Variants in MECOM observed in about 807,000 individuals in gnomAD.
MECOM encodes the protein MDS1 and EVI1 complex locus, also known as histone-lysine N-methyltransferase MECOM.
Under a neutral mutation model 116.3 loss-of-function variants are expected in MECOM, and 13 were observed. The ratio of observed to expected loss-of-function variants is 0.11; its 90% CI spans 0.07 to 0.18. MECOM has a LOEUF of 0.18. Among genes scored for constraint, MECOM ranks in the 10% least tolerant of loss-of-function variants. The pLI is 1.00. For missense variants in MECOM, 1,299 were observed against 1,509.0 expected (o/e 0.86, Z 2.31); for synonymous variants, 528 against 535.2 (o/e 0.99, Z 0.19).
intron 1 of MECOM, among the ~76,000 whole-genome samples, chr3:169,464,508 G>A (rs1747973157): frequency 6.6e-6 from 1 of 151,862 alleles, no homozygotes; most frequent in South Asian, 2.1e-4. Flanking sequence ...CTCATTCATT[G>A]CTTATTACTT....
chr3:169,651,911 G>A (rs888307268), intron 1 of MECOM, among the ~76,000 whole-genome samples: 3 of 151,940 alleles, frequency 2.0e-5, no homozygotes, highest in Admixed American at 2.0e-4. Flanking sequence ...TCATCTGCAG[G>A]CAATTTATGA....
intron 2 of MECOM, among the ~76,000 whole-genome samples, chr3:169,331,323 G>A (rs1360746938): frequency 6.6e-6 from 1 of 152,018 alleles, no homozygotes; most frequent in Non-Finnish European, 1.5e-5. Flanking sequence ...TTGACTCTCT[G>A]AACCTAGTTT....
chr3:169,429,539 T>A (rs1741260413), intron 1 of MECOM, among the ~76,000 whole-genome samples: 1 of 152,196 alleles, frequency 6.6e-6, no homozygotes, highest in Non-Finnish European at 1.5e-5. Context: ...GAATGTTGCA[T>A]GGATGAGTAA....
intron 2 of MECOM, among the ~76,000 whole-genome samples, chr3:169,335,358 T>C (rs1183409213): frequency 6.6e-6 from 1 of 152,166 alleles, no homozygotes; most frequent in Non-Finnish European, 1.5e-5. Context: ...TTCTGTATTC[T>C]CTGTGCTATT....
intron 1 of MECOM, among the ~76,000 whole-genome samples, chr3:169,404,594 C>T (rs1736382839): frequency 6.6e-6 from 1 of 152,190 alleles, no homozygotes; most frequent in African/African-American, 2.4e-5. Flanking sequence ...GGGAAGCCCC[C>T]CAAGCTCAGG....
intron 1 of MECOM, chr3:169,466,932 A>C (rs548395355): frequency 3.3e-4 from 50 of 152,326 alleles, no homozygotes; most frequent in African/African-American, 1.1e-3. Flanking sequence ...AGTTGCCAAC[A>C]TTCTTTTTCA....
intron 1 of MECOM, among the ~76,000 whole-genome samples, chr3:169,432,918 A>T (rs986164015): frequency 2.0e-5 from 3 of 152,214 alleles, no homozygotes; most frequent in African/African-American, 7.2e-5. Context: ...ACCCGTGTAA[A>T]TTCTAACTGT....
chr3:169,266,205 AGGCAGCATCATAAATCTCATG>A (rs1338164212), intron 2 of MECOM, among the ~76,000 whole-genome samples: 2 of 152,242 alleles, frequency 1.3e-5, no homozygotes, highest in African/African-American at 4.8e-5. Flanking sequence ...ATTGACAGCC[AGGCAGCATCATAAATCTCATG>A]ACCAATGAGA....
At chr3:169,496,483 C>G (rs1293938621) in intron 1 of MECOM, among the ~76,000 whole-genome samples, 2 of 152,140 alleles carry the variant, frequency 1.3e-5, no homozygotes, top group African/African-American at 4.8e-5. Context: ...AATCGTCAAA[C>G]TAATGTGTTT....
intron 1 of MECOM, among the ~76,000 whole-genome samples, chr3:169,587,426 A>AAC (rs3980637): frequency 0.032 from 4,452 of 140,996 alleles, 128 homozygotes; most frequent in African/African-American, 0.075. Context: ...CCCACACGCC[A>AAC]ACACACACAC....
intron 1 of MECOM, among the ~76,000 whole-genome samples, chr3:169,398,985 T>C (rs1735447187): frequency 6.6e-6 from 1 of 152,192 alleles, no homozygotes; most frequent in African/African-American, 2.4e-5. Flanking sequence ...TCCATGTTCA[T>C]CATCTCCTCA....
intron 2 of MECOM, among the ~76,000 whole-genome samples, chr3:169,156,784 A>T (rs903030634): frequency 6.6e-6 from 1 of 152,222 alleles, no homozygotes; most frequent in Non-Finnish European, 1.5e-5. Flanking sequence ...ACTTTTCTTA[A>T]TAAGATTTGG....
intron 1 of MECOM, among the ~76,000 whole-genome samples, chr3:169,629,391 T>C (rs1356621743): frequency 1.3e-5 from 2 of 152,052 alleles, no homozygotes; most frequent in African/African-American, 4.8e-5. Context: ...TACCCTTGTT[T>C]ACAGAAAATG....
At chr3:169,337,799 T>C (rs1206597267) in intron 2 of MECOM, among the ~76,000 whole-genome samples, 1 of 152,186 alleles carries the variant, frequency 6.6e-6, no homozygotes, top group Non-Finnish European at 1.5e-5. Context: ...CACAAATAGA[T>C]GTGAAAAGAT....
rs531670384 is a variant in MECOM at position 169,516,506 on chromosome 3, T to C, written c.38-134982A>G. Among the ~76,000 whole-genome samples, 6 of 152,318 alleles carry C rather than the reference T, an allele frequency of 3.9e-5. No homozygotes were observed. The East Asian group carries it at 1.2e-3, about 29-fold the overall frequency. On this transcript the variant is annotated intron_variant, in intron 1 of 16. Transcript: ENST00000651503. ...TTTTAGCAATAAAAGAATGTTCTTT[T>C]TTTTAAGGTAACATCTATAGACCAT...
In MECOM at chr3:169,631,610, C is replaced by CCTCCCCT. The variant is rs1486342991; in HGVS notation, c.37+31725_37+31726insAGGGGAG. Among the ~76,000 whole-genome samples the CCTCCCCT allele has an allele frequency of 2.2e-3, 241 of 109,078 alleles. 2 individuals carry two copies. The highest frequency in any genetic ancestry group is 8.0e-3 in the African/African-American group (224 of 28,014). The allele number at this position is 109,078 out of a possible 152,430, so 71.6% of individuals were successfully genotyped here. A position where few individuals can be genotyped will look rare whatever the true frequency, so the allele number is the denominator to read the frequency against. ...ATATCTCCTAAAGCTATCCCTCCCC[C>CCTCCCCT]CTCCCCCCACCCCACAACTGTCCCC... On this transcript the variant is annotated intron_variant, in intron 1 of 16. Coordinates refer to ENST00000651503, the MANE Select transcript of MECOM (RefSeq NM_004991.4).
chr3:169,263,082 T>C (rs1266485820), intron 2 of MECOM, among the ~76,000 whole-genome samples: 18 of 1,348 alleles, frequency 0.013, no homozygotes, highest in Admixed American at 0.052. Context: ...AGATGCTATA[T>C]ATATATATAT....
chr3:169,194,592 A>G (rs191658922), intron 2 of MECOM, among the ~76,000 whole-genome samples: 1 of 152,166 alleles, frequency 6.6e-6, no homozygotes, highest in Admixed American at 6.5e-5. Context: ...CCTGAACAAC[A>G]TATCTCAGGA....
chr3:169,473,703 A>G (rs1749908699), intron 1 of MECOM, among the ~76,000 whole-genome samples: 1 of 152,114 alleles, frequency 6.6e-6, no homozygotes, highest in South Asian at 2.1e-4. Flanking sequence ...TGGGGGGCAG[A>G]GGTTGTAGTG....
Sources: gnomAD v4.1 joint callset for allele counts (sites outside exome capture counted in the v4.1 genomes callset) on GRCh38, gnomAD v4.1.1 for gene constraint, MANE v1.5 for transcripts, NCBI Gene and HGNC (gene_info 2026-07-23, HGNC 2026-07-21) for gene names.